The following BRSK1 variants were observed in gnomAD, a reference collection of about 807,000 sequenced individuals.
BRSK1 encodes serine/threonine-protein kinase BRSK1.
A neutral mutation model predicts 86.2 loss-of-function variants in BRSK1; 17 were observed. That is an observed-to-expected ratio of 0.20 (90% CI 0.14 to 0.30). BRSK1 has a LOEUF of 0.30. Ranked by LOEUF, BRSK1 falls within the 10% of genes least tolerant of loss-of-function variation. The pLI is 1.00. For synonymous variants in BRSK1, 464 were observed against 440.1 expected, an observed-to-expected ratio of 1.05 and a Z score of -0.68; for missense variants, 719 against 1,071.9, an observed-to-expected ratio of 0.67 and a Z score of 4.60.
chr19:55,298,209 C>CTTTTTTTTTTTTTTTTTTTTT (rs71181751), intron 7 of BRSK1, among the ~76,000 whole-genome samples: 5 of 69,638 alleles, frequency 7.2e-5, no homozygotes, highest in East Asian at 4.7e-4. Context: ...TTTGTTTCTT[C>CTTTTTTTTTTTTTTTTTTTTT]TTTTTTTTTT....
chr19:55,286,878 T>C, intron 1 of BRSK1, 129 bp from the exon 2 acceptor site: 3 of 766,496 alleles, frequency 3.9e-6, no homozygotes, highest in African/African-American at 3.4e-5. Flanking sequence ...TCAGGTCTGA[T>C]GTGTTCAGGC....
rs540937027 is a variant in BRSK1 at position 55,293,433 on chromosome 19, C to T, written c.459-584C>T. Reference sequence around the variant, plus strand: ...AGGAGAATCACTTGAACTCAGGATGCGGAGGTTGCAGTGAGCCGAGATCAT... The same window carrying T: ...AGGAGAATCACTTGAACTCAGGATGTGGAGGTTGCAGTGAGCCGAGATCAT... On this transcript the variant is annotated intron_variant, in intron 4 of 18. Coordinates refer to ENST00000309383, the MANE Select transcript of BRSK1 (RefSeq NM_032430.2). Among the ~76,000 whole-genome samples, 180 of 151,664 alleles carry T rather than the reference C, an allele frequency of 1.2e-3. 2 individuals carry two copies. Among genetic ancestry groups the T allele is most frequent in the African/African-American group, 4.0e-3 (165 of 41,298 alleles).
At position 55,304,808 on chromosome 19, in the gene BRSK1, A is replaced by T. The variant is rs769660663; in HGVS notation, c.1605A>T (p.Thr535=). ...RASPTGTPGT[T]PPPSPGGGVG... is the part of the protein sequence containing the mutation. ...GTCCCACCGGGACCCCGGGGACAAC[A>T]CCACCCCCCAGCCCCGGCGGTGGCG... Residue 535 remains threonine, a synonymous_variant, in exon 14 of 19, where the codon ACA becomes ACT. Transcript: ENST00000309383. The surrounding 1 kb of genome is among the most constrained non-coding windows in gnomAD (Gnocchi z 5.2). The T allele has an allele frequency of 1.9e-6, 3 of 1,574,812 alleles. No individual in the cohort carries two copies. In the African/African-American group the frequency reaches 4.1e-5, roughly 21 times the overall value.
chr19:55,304,932 T>G lies in BRSK1; in HGVS notation c.1717+12T>G. 9 of 1,604,852 alleles carry G rather than the reference T, an allele frequency of 5.6e-6. No homozygotes were observed. Among genetic ancestry groups the G allele is most frequent in the Non-Finnish European group, 7.6e-6 (9 of 1,179,538 alleles). On this transcript the variant is annotated intron_variant, in intron 14 of 18. Transcript: ENST00000309383. The surrounding 1 kb of genome is among the most constrained non-coding windows in gnomAD (Gnocchi z 5.2). The stretch of plus-strand genomic sequence containing the variant: ...GCGCAAGATGCAGGGTATGGGGGCA[T>G]GAACTGCCGAGTCCTAATGTGGGGA...
At chr19:55,305,872 A>G (rs558258594) in intron 16 of BRSK1, among the ~76,000 whole-genome samples, 3 of 152,212 alleles carry the variant, frequency 2.0e-5, no homozygotes, top group Admixed American at 6.5e-5. Flanking sequence ...TTCCCAGGCA[A>G]TGTTAAGGCT....
In BRSK1 at chr19:55,304,699, C is replaced by T. The variant is rs1347584894; in HGVS notation, c.1496C>T (p.Ser499Phe). ...CAGCCCCCGCCCCCCAGTGCCCGCTCCACACCCCTGCCCGGCCCCCCAGGC... is the reference window on the plus strand; with the variant it reads ...CAGCCCCCGCCCCCCAGTGCCCGCTTCACACCCCTGCCCGGCCCCCCAGGC... ...GEQPPPPSAR[S>F]TPLPGPPGSP... The change falls in exon 14 of 19, where the codon TCC (serine) becomes TTC (phenylalanine). Residue 499 changes from serine (S) to phenylalanine (F), a missense_variant. Physicochemically the swap from Ser to Phe is radical, Grantham distance 155. This residue lies in a region of BRSK1 where 143 missense variants were observed against 120.1 expected (regional missense o/e 1.19). Coordinates refer to ENST00000309383, the MANE Select transcript of BRSK1 (RefSeq NM_032430.2). This position sits in a 1 kb window ranked among gnomAD's most constrained non-coding sequence, Gnocchi z 5.2. 6.7e-7 allele frequency: 1 copy of T among 1,490,770 alleles called. No individual in the cohort carries two copies. The highest frequency in any genetic ancestry group is 8.9e-7 in the Non-Finnish European group (1 of 1,127,558). 92.3% of individuals were successfully genotyped at this position (1,490,770 alleles called of 1,614,324 possible). A position where few individuals can be genotyped will look rare whatever the true frequency, so the allele number is the denominator to read the frequency against.
intron 4 of BRSK1, among the ~76,000 whole-genome samples, chr19:55,291,219 G>A (rs541022777): frequency 3.9e-5 from 6 of 152,042 alleles, no homozygotes; most frequent in African/African-American, 1.2e-4. Flanking sequence ...GAGCCACTGC[G>A]CCTGGCCTAT....
In BRSK1 at chr19:55,302,057, AACC is replaced by A; in HGVS notation, c.826-76_826-74del. ...GCGGGGAGATGATCAGGGACCCCAA[AACC>A]ACCCCAGTCTTTCATTGCGCGCCTA... On this transcript the variant is annotated intron_variant, in intron 8 of 18. Transcript: ENST00000309383. The surrounding 1 kb of genome is among the most constrained non-coding windows in gnomAD (Gnocchi z 6.3). The A allele has an allele frequency of 6.5e-7, 1 of 1,547,712 alleles. No individual in the cohort carries two copies. Among genetic ancestry groups the A allele is most frequent in the Non-Finnish European group, 8.9e-7 (1 of 1,119,860 alleles).
chr19:55,293,086 G>A (rs966444713), intron 4 of BRSK1, among the ~76,000 whole-genome samples: 2 of 152,112 alleles, frequency 1.3e-5, no homozygotes, highest in Admixed American at 6.6e-5. Context: ...TAGGCCGGGC[G>A]CGGTGGCTCA....
At chr19:55,311,250 C>A (rs1435805678) in intron 18 of BRSK1, among the ~76,000 whole-genome samples, 1 of 152,220 alleles carries the variant, frequency 6.6e-6, no homozygotes, top group African/African-American at 2.4e-5. Context: ...GCATGAGCCA[C>A]TGCGCCCGGC....
At chr19:55,286,630 T>C (rs1286206508) in intron 1 of BRSK1, among the ~76,000 whole-genome samples, 1 of 144,532 alleles carries the variant, frequency 6.9e-6, no homozygotes, top group African/African-American at 2.6e-5. Context: ...ATACAAGGAA[T>C]TGATGGAGAG....
At chr19:55,290,184 C>T (rs564286429) in intron 4 of BRSK1, among the ~76,000 whole-genome samples, 35 of 152,144 alleles carry the variant, frequency 2.3e-4, no homozygotes, top group African/African-American at 7.0e-4. Flanking sequence ...TTAGTAAAGT[C>T]GGGGTTTCAC....
At position 55,311,987 on chromosome 19, in the gene BRSK1, C is replaced by T; in HGVS notation, c.2256C>T (p.Asp752=). Residue 752 remains aspartate, a synonymous_variant, in exon 19 of 19, where the codon GAC becomes GAT. Coordinates refer to ENST00000309383, the MANE Select transcript of BRSK1 (RefSeq NM_032430.2). ...RSLQPPPGRP[D]PELSSSPRRG... is the part of the protein sequence containing the mutation. ...TGCAGCCCCCACCCGGCCGCCCAGA[C>T]CCAGAGCTGAGCAGCTCTCCCCGCC... 6.3e-7 allele frequency: 1 copy of T among 1,576,202 alleles called. No homozygotes were observed. The highest frequency in any genetic ancestry group is 1.4e-5 in the African/African-American group (1 of 73,966).
intron 4 of BRSK1, among the ~76,000 whole-genome samples, chr19:55,291,947 A>T (rs899676610): frequency 2.0e-5 from 3 of 151,998 alleles, no homozygotes; most frequent in African/African-American, 7.3e-5. Context: ...TTTAGTAGAG[A>T]TGGGGTTTCA....
intron 7 of BRSK1, among the ~76,000 whole-genome samples, chr19:55,295,597 T>G (rs1195101457): frequency 6.6e-6 from 1 of 152,180 alleles, no homozygotes; most frequent in African/African-American, 2.4e-5. Context: ...AAGGAACAAG[T>G]CATCCAGGAG....
At position 55,311,989 on chromosome 19, in the gene BRSK1, C is replaced by T; in HGVS notation, c.2258C>T (p.Pro753Leu). The change falls in exon 19 of 19, where the codon CCA becomes CTA. Residue 753 changes from proline (P) to leucine (L), a missense_variant. Around this residue, in one of 6 missense-constraint regions of BRSK1, gnomAD observed 82 missense variants for 72.6 expected, o/e 1.13. Coordinates refer to ENST00000309383, the MANE Select transcript of BRSK1 (RefSeq NM_032430.2). ...SLQPPPGRPD[P>L]ELSSSPRRGP... The stretch of plus-strand genomic sequence containing the variant: ...CAGCCCCCACCCGGCCGCCCAGACC[C>T]AGAGCTGAGCAGCTCTCCCCGCCGA... The T allele has an allele frequency of 6.4e-7, 1 of 1,563,364 alleles. No homozygotes were observed. The highest frequency in any genetic ancestry group is 8.7e-7 in the Non-Finnish European group (1 of 1,154,840).
chr19:55,291,861 C>T (rs768814668), intron 4 of BRSK1, among the ~76,000 whole-genome samples: 2 of 152,190 alleles, frequency 1.3e-5, no homozygotes, highest in African/African-American at 4.8e-5. Flanking sequence ...CAGGTTCGAG[C>T]GATTCTCCTG....
In BRSK1 at chr19:55,304,382, A is replaced by G. The variant is rs764147905; in HGVS notation, c.1348-169A>G. 2.6e-5 allele frequency among the ~76,000 whole-genome samples: 4 copies of G among 152,186 alleles called. No individual in the cohort carries two copies. Among genetic ancestry groups the G allele is most frequent in the Non-Finnish European group, 5.9e-5 (4 of 68,028 alleles). On this transcript the variant is annotated intron_variant, in intron 13 of 18. Coordinates refer to ENST00000309383, the MANE Select transcript of BRSK1 (RefSeq NM_032430.2). The surrounding 1 kb of genome is among the most constrained non-coding windows in gnomAD (Gnocchi z 5.2). The stretch of plus-strand genomic sequence containing the variant: ...GGCTGGGTTTTCAGCCCACAGCATG[A>G]TAGAAAGTCTTTGCTATCCTTGCTC...
intron 4 of BRSK1, 111 bp downstream of exon 4, chr19:55,289,731 A>G: frequency 7.2e-7 from 1 of 1,380,504 alleles, no homozygotes; most frequent in Non-Finnish European, 9.7e-7. Flanking sequence ...CCAAACCTTT[A>G]TCCCATTGAG....
Sources: allele counts gnomAD v4.1 joint callset (sites outside exome capture counted in the v4.1 genomes callset), GRCh38; gene constraint gnomAD v4.1.1; regional missense constraint gnomAD v4.1.1; non-coding constraint Gnocchi (gnomAD v3.1); transcripts MANE v1.5; gene names NCBI Gene and HGNC (gene_info 2026-07-23, HGNC 2026-07-21).